PLEKHG4B: variants seen among roughly 807,000 people sequenced by gnomAD.
The protein encoded by PLEKHG4B is pleckstrin homology and RhoGEF domain containing G4B.
Under a neutral mutation model 121.3 loss-of-function variants are expected in PLEKHG4B, and 111 were observed. The observed-to-expected ratio is 0.92, with a 90% CI of 0.78 to 1.07. PLEKHG4B has a LOEUF of 1.07. Among genes scored for constraint, PLEKHG4B ranks in the 50% least tolerant of loss-of-function variants. The pLI is 0.00. For synonymous variants in PLEKHG4B, 738 were observed against 725.0 expected (o/e 1.02, Z -0.29); for missense variants, 1,831 against 1,757.8 (o/e 1.04, Z -0.74).
In PLEKHG4B at chr5:169,322, G is replaced by T; in HGVS notation, c.3477-18G>T. On this transcript the variant is annotated intron_variant, in intron 13 of 19. Coordinates refer to ENST00000637938, the MANE Select transcript of PLEKHG4B (RefSeq NM_052909.5). ...CCGTGGGGGGCCGTGTGCCCCCCGGGATCTCTGTGTCTTCCAGCAGCCGAC... is the reference window on the plus strand; with the variant it reads ...CCGTGGGGGGCCGTGTGCCCCCCGGTATCTCTGTGTCTTCCAGCAGCCGAC... 1 of 1,612,962 alleles carries T rather than the reference G, an allele frequency of 6.2e-7. No homozygotes were observed. The highest frequency in any genetic ancestry group is 8.5e-7 in the Non-Finnish European group (1 of 1,179,330).
intron 1 of PLEKHG4B, among the ~76,000 whole-genome samples, chr5:101,659 T>G (rs1733818893): frequency 7.5e-6 from 1 of 133,158 alleles, no homozygotes; most frequent in Non-Finnish European, 1.6e-5. Flanking sequence ...TATAAAGCTC[T>G]GGAAAAAGCC....
chr5:134,627 A>G (rs886434485), intron 2 of PLEKHG4B, among the ~76,000 whole-genome samples: 2 of 151,918 alleles, frequency 1.3e-5, no homozygotes, highest in African/African-American at 4.8e-5. Context: ...TTAGCCAGGT[A>G]TGGTGGCGTG....
At chr5:141,666 G>T (rs1410772776) in intron 3 of PLEKHG4B, among the ~76,000 whole-genome samples, 1 of 150,694 alleles carries the variant, frequency 6.6e-6, no homozygotes, top group East Asian at 2.0e-4. Flanking sequence ...AAGTTTGCAG[G>T]ACATAAAGTA....
At chr5:115,899 CA>C (rs1473132436) in intron 2 of PLEKHG4B, among the ~76,000 whole-genome samples, 3 of 152,210 alleles carry the variant, frequency 2.0e-5, no homozygotes, top group African/African-American at 7.2e-5. Context: ...TCCATGTCAG[CA>C]ATAAGGCTGT....
chr5:143,459 T>A lies in PLEKHG4B; in HGVS notation c.1767T>A (p.Cys589Ter). The change falls in exon 5 of 20, where the codon TGT (cysteine) becomes TGA (stop). Residue 589 changes from cysteine (C) to a stop codon, truncating the protein, a stop_gained. Transcript: ENST00000637938. LOFTEE classifies it high-confidence loss of function. ...TCTGGACCAGGGAACACTCGTCCTG[T>A]GCTGAGCTGACCCGCCTGCTGCTGT... ...SLLWTREHSS[C>*]AELTRLLLYF... 6.2e-7 allele frequency: 1 copy of A among 1,612,886 alleles called. No homozygotes were observed. Among genetic ancestry groups the A allele is most frequent in the Non-Finnish European group, 8.5e-7 (1 of 1,179,998 alleles).
chr5:182,359 G>C lies in PLEKHG4B; in HGVS notation c.*36G>C. The C allele has an allele frequency of 6.5e-7, 1 of 1,542,130 alleles. No individual in the cohort carries two copies. Among genetic ancestry groups the C allele is most frequent in the Non-Finnish European group, 8.7e-7 (1 of 1,145,740 alleles). Reference sequence around the variant, plus strand: ...GGTGGCAGTGCCCATCATGTGGCTAGAACAATACAGAGGGAGCAGCACGCC... The same window carrying C: ...GGTGGCAGTGCCCATCATGTGGCTACAACAATACAGAGGGAGCAGCACGCC... On this transcript the variant is annotated 3_prime_UTR_variant, in exon 20 of 20. Coordinates refer to ENST00000637938, the MANE Select transcript of PLEKHG4B (RefSeq NM_052909.5).
At chr5:147,365 T>C (rs180770328) in intron 6 of PLEKHG4B, among the ~76,000 whole-genome samples, 3 of 152,252 alleles carry the variant, frequency 2.0e-5, no homozygotes, top group Admixed American at 1.3e-4. Flanking sequence ...CTGTCCCTGG[T>C]TGGGCACCTG....
chr5:105,885 C>T (rs1398865014), intron 1 of PLEKHG4B, among the ~76,000 whole-genome samples: 1 of 152,216 alleles, frequency 6.6e-6, no homozygotes, highest in African/African-American at 2.4e-5. Flanking sequence ...TGGGGGGGCC[C>T]ATGAGCCGAG....
At chr5:173,175 C>A in intron 17 of PLEKHG4B, 108 bp downstream of exon 17, 1 of 1,093,454 alleles carries the variant, frequency 9.1e-7, no homozygotes, top group Non-Finnish European at 1.3e-6. Flanking sequence ...GGGAGTGAAG[C>A]GGGGAGGAGC....
chr5:116,165 ATAT>A (rs1734301493), intron 2 of PLEKHG4B, among the ~76,000 whole-genome samples: 1 of 152,174 alleles, frequency 6.6e-6, no homozygotes, highest in Non-Finnish European at 1.5e-5. Context: ...CCTAATTTCA[ATAT>A]TATTGTGTCT....
chr5:181,836 C>A (rs1733401815), intron 19 of PLEKHG4B, among the ~76,000 whole-genome samples, 161 bp downstream of exon 19: 2 of 152,236 alleles, frequency 1.3e-5, no homozygotes, highest in African/African-American at 4.8e-5. Flanking sequence ...CCCGCCCTCA[C>A]TCATCCTGCA....
Position 162,893 on chromosome 5 carries a change from C to CAA in PLEKHG4B, c.2822_2823dup (p.Asp942LysfsTer44). 6.5e-7 allele frequency: 1 copy of CAA among 1,531,782 alleles called. No homozygotes were observed. Among genetic ancestry groups the CAA allele is most frequent in the Non-Finnish European group, 8.8e-7 (1 of 1,138,672 alleles). The allele number at this position is 1,531,782 out of a possible 1,614,324, so 94.9% of individuals were successfully genotyped here. ...CCTGGGGAAACCGTGGGCATCACAG[C>CAA]AAGACCTGTGGCTGCAGTACCCCCA... On this transcript the variant is annotated frameshift_variant, in exon 13 of 20. Coordinates refer to ENST00000637938, the MANE Select transcript of PLEKHG4B (RefSeq NM_052909.5). LOFTEE classifies it high-confidence loss of function.
chr5:177,561 C>T (rs978425755), intron 18 of PLEKHG4B, among the ~76,000 whole-genome samples: 1 of 152,180 alleles, frequency 6.6e-6, no homozygotes, highest in Non-Finnish European at 1.5e-5. Context: ...TCAGTTCTTA[C>T]CTCCTCCGAA....
At chr5:168,132 C>G (rs1383039674) in intron 13 of PLEKHG4B, among the ~76,000 whole-genome samples, 1 of 152,180 alleles carries the variant, frequency 6.6e-6, no homozygotes, top group Non-Finnish European at 1.5e-5. Flanking sequence ...ACATCTCCTG[C>G]AGATGTGTGT....
At chr5:99,460 C>A (rs1036880451) in intron 1 of PLEKHG4B, among the ~76,000 whole-genome samples, 1 of 151,706 alleles carries the variant, frequency 6.6e-6, no homozygotes, top group Non-Finnish European at 1.5e-5. Context: ...TTTACCTTTA[C>A]GTTTAAATTT....
chr5:127,516 A>G (rs544761420), intron 2 of PLEKHG4B, among the ~76,000 whole-genome samples: 3 of 151,898 alleles, frequency 2.0e-5, no homozygotes, highest in African/African-American at 7.3e-5. Flanking sequence ...AAAATGTCCT[A>G]GTGTTTAATG....
intron 1 of PLEKHG4B, among the ~76,000 whole-genome samples, chr5:102,181 T>C (rs1226180175): frequency 6.6e-6 from 1 of 152,140 alleles, no homozygotes; most frequent in African/African-American, 2.4e-5. Flanking sequence ...TTAATCCATA[T>C]AAATCCCTGG....
chr5:162,534 C>T (rs1434536475), intron 12 of PLEKHG4B, among the ~76,000 whole-genome samples, 188 bp from the exon 13 acceptor site: 1 of 152,258 alleles, frequency 6.6e-6, no homozygotes, highest in Non-Finnish European at 1.5e-5. Flanking sequence ...CCCATGGGGT[C>T]AGACACAGCC....
intron 8 of PLEKHG4B, 76 bp from the exon 9 acceptor site, chr5:155,269 C>A (rs1735737340): frequency 1.5e-6 from 2 of 1,303,066 alleles, no homozygotes; most frequent in East Asian, 2.3e-5. Flanking sequence ...AATGCAGAAA[C>A]TGGAACTCAC....
Sources: allele counts gnomAD v4.1 joint callset (sites outside exome capture counted in the v4.1 genomes callset), GRCh38; gene constraint gnomAD v4.1.1; transcripts MANE v1.5; gene names NCBI Gene and HGNC (gene_info 2026-07-23, HGNC 2026-07-21).